The following LTBP3 variants were observed in gnomAD, a reference collection of about 807,000 sequenced individuals.
The protein encoded by LTBP3 is latent transforming growth factor beta binding protein 3, also known as latent-transforming growth factor beta-binding protein 3.
LTBP3 carries 97 observed loss-of-function variants against 159.7 expected under a neutral mutation model. The observed-to-expected ratio is 0.61, with a 90% CI of 0.52 to 0.72. The LOEUF (loss-of-function observed/expected upper bound fraction) is 0.72, where lower values mean the gene tolerates loss of function less well. Among genes scored for constraint, LTBP3 ranks in the 30% least tolerant of loss-of-function variants. The probability of loss-of-function intolerance (pLI) is 0.00; values close to 1 mark genes in which losing one functional copy is unlikely to be tolerated. For missense variants in LTBP3, 1,584 were observed against 1,864.3 expected (o/e 0.85, Z 2.77); for synonymous variants, 824 against 777.1 (o/e 1.06, Z -1.00).
intron 19 of LTBP3, 60 bp downstream of exon 19, chr11:65,541,540 A>G (rs1856137821): frequency 6.2e-7 from 1 of 1,612,484 alleles, no homozygotes; most frequent in Admixed American, 1.7e-5. Flanking sequence ...ACATCTCTGA[A>G]TCCCAGCTGC....
chr11:65,551,631 C>T, intron 8 of LTBP3, 67 bp from the exon 9 acceptor site: 2 of 1,598,028 alleles, frequency 1.3e-6, no homozygotes, highest in East Asian at 2.2e-5. Context: ...CTGGGATCAG[C>T]AGCTGAGTAT....
chr11:65,557,614 G>GC lies in LTBP3; in HGVS notation c.331+14dup. 1 of 1,607,246 alleles carries GC rather than the reference G, an allele frequency of 6.2e-7. No homozygotes were observed. The highest frequency in any genetic ancestry group is 8.5e-7 in the Non-Finnish European group (1 of 1,179,602). The stretch of plus-strand genomic sequence containing the variant: ...CTGTCCTTCCCCTGCCCCCAGCCGT[G>GC]CCCCCGGCCCTCACCCACGCGGAAG... On this transcript the variant is annotated intron_variant, in intron 1 of 27. Coordinates refer to ENST00000301873, the MANE Select transcript of LTBP3 (RefSeq NM_001130144.3).
intron 11 of LTBP3, 61 bp from the exon 12 acceptor site, chr11:65,548,106 A>G (rs1009015987): frequency 6.2e-7 from 1 of 1,611,284 alleles, no homozygotes; most frequent in African/African-American, 1.3e-5. Context: ...CCATATCCCC[A>G]GGGCAGACCT....
Position 65,553,362 on chromosome 11 carries a change from A to C in LTBP3, c.970+63T>G. ...TGACCTGGGGACTCCCACTGCAGGG[A>C]TGGGTGGGGTGGGTGGGGAGGGGCC... On this transcript the variant is annotated intron_variant, in intron 4 of 27. Coordinates refer to ENST00000301873, the MANE Select transcript of LTBP3 (RefSeq NM_001130144.3). The surrounding 1 kb of genome is among the most constrained non-coding windows in gnomAD (Gnocchi z 6.5). 2.3e-6 allele frequency: 1 copy of C among 429,582 alleles called. No individual in the cohort carries two copies. Among genetic ancestry groups the C allele is most frequent in the Non-Finnish European group, 3.7e-6 (1 of 269,904 alleles). The allele number at this position is 429,582 out of a possible 1,614,324, so 26.6% of individuals were successfully genotyped here. A position where few individuals can be genotyped will look rare whatever the true frequency, so the allele number is the denominator to read the frequency against.
chr11:65,554,177 C>G lies in LTBP3; in HGVS notation c.535G>C (p.Val179Leu), dbSNP rs1158791095. The G allele has an allele frequency of 1.2e-6, 2 of 1,611,812 alleles. No homozygotes were observed. The highest frequency in any genetic ancestry group is 2.2e-5 in the East Asian group (1 of 44,846). ...LPPLAPEGDS[V>L]ASKHAIYAVQ... ...GCGTAGATGGCGTGCTTGCTGGCCA[C>G]AGAGTCGCCCTCCGGAGCCAGGGGC... Residue 179 changes from valine (V) to leucine (L), a missense_variant, in exon 2 of 28, where the codon GTG becomes CTG. Physicochemically the swap from Val to Leu is conservative, Grantham distance 32 (BLOSUM62 1). Around this residue, in one of 6 missense-constraint regions of LTBP3, gnomAD observed 194 missense variants for 198.7 expected, o/e 0.98. Coordinates refer to ENST00000301873, the MANE Select transcript of LTBP3 (RefSeq NM_001130144.3). This position sits in a 1 kb window ranked among gnomAD's most constrained non-coding sequence, Gnocchi z 5.3.
At chr11:65,541,999 C>T (rs1856155708) in intron 18 of LTBP3, 2 of 437,802 alleles carry the variant, frequency 4.6e-6, no homozygotes, top group African/African-American at 2.0e-5. Context: ...ATTGAGCTTC[C>T]GATACCTTTA....
intron 16 of LTBP3, chr11:65,545,875 A>G (rs775006548): frequency 3.2e-5 from 6 of 186,752 alleles, no homozygotes; most frequent in Non-Finnish European, 5.7e-5. Flanking sequence ...TAGCCTGATC[A>G]TTCCTTACAG....
chr11:65,557,940 G>C lies in LTBP3; in HGVS notation c.20C>G (p.Ala7Gly). 1 of 1,187,984 alleles carries C rather than the reference G, an allele frequency of 8.4e-7. No individual in the cohort carries two copies. The highest frequency in any genetic ancestry group is 1.0e-6 in the Non-Finnish European group (1 of 958,382). The allele number at this position is 1,187,984 out of a possible 1,614,324, so 73.6% of individuals were successfully genotyped here. A position where few individuals can be genotyped will look rare whatever the true frequency, so the allele number is the denominator to read the frequency against. The change falls in exon 1 of 28, where the codon GCT becomes GGT. Residue 7 changes from alanine to glycine, a missense_variant. Coordinates refer to ENST00000301873, the MANE Select transcript of LTBP3 (RefSeq NM_001130144.3). ...CATCTCAGGGGCCAGGCCGCCAGCAGCCCCTCGGGGCCCGGGCATCCGGGG... is the reference window on the plus strand; with the variant it reads ...CATCTCAGGGGCCAGGCCGCCAGCACCCCCTCGGGGCCCGGGCATCCGGGG... MPGPRG[A>G]AGGLAPEMRG...
In LTBP3 at chr11:65,539,935, T is replaced by TCCGCC. The variant is rs1197176956; in HGVS notation, c.3386-59_3386-55dup. 2.6e-5 allele frequency: 38 copies of TCCGCC among 1,472,380 alleles called. No individual in the cohort carries two copies. The East Asian group carries it at 8.9e-4, about 34-fold the overall frequency. The allele number at this position is 1,472,380 out of a possible 1,614,324, so 91.2% of individuals were successfully genotyped here. On this transcript the variant is annotated intron_variant, in intron 24 of 27. Transcript: ENST00000301873. ...GGGCCCAAGGCAGGAACCGCCCGCCTCCGCCCCACCCCACCTGCGCGGGGG... is the reference window on the plus strand; with the variant it reads ...GGGCCCAAGGCAGGAACCGCCCGCCTCCGCCCCGCCCCACCCCACCTGCGCGGGGG...
chr11:65,553,119 G>C lies in LTBP3; in HGVS notation c.1063+45C>G, dbSNP rs769444847. On this transcript the variant is annotated intron_variant, in intron 5 of 27. Coordinates refer to ENST00000301873, the MANE Select transcript of LTBP3 (RefSeq NM_001130144.3). The surrounding 1 kb of genome is among the most constrained non-coding windows in gnomAD (Gnocchi z 6.5). ...GGGACCCTCCCCACCCCCAGTGATG[G>C]CTGGCCTGCCCCTCCAGCCCACAGA... The C allele has an allele frequency of 6.2e-7, 1 of 1,606,204 alleles. No homozygotes were observed. Among genetic ancestry groups the C allele is most frequent in the Middle Eastern group, 1.7e-4 (1 of 5,922 alleles).
intron 16 of LTBP3, 146 bp from the exon 17 acceptor site, chr11:65,543,695 C>A: frequency 1.9e-6 from 2 of 1,064,062 alleles, no homozygotes; most frequent in Admixed American, 1.8e-5. Flanking sequence ...TTCTGGGTGG[C>A]ACACAGTGCC....
At chr11:65,551,810 A>G (rs984097076) in intron 8 of LTBP3, 162 bp downstream of exon 8, 1 of 984,150 alleles carries the variant, frequency 1.0e-6, no homozygotes, top group Non-Finnish European at 1.6e-6. Context: ...TCAGGGTCAA[A>G]TATCTGGGTC....
In LTBP3 at chr11:65,558,074, G is replaced by C. The variant is rs1049847928; in HGVS notation, c.-115C>G. The C allele has an allele frequency of 1.4e-5, 15 of 1,070,726 alleles. No homozygotes were observed. The African/African-American group carries it at 2.3e-4, about 17-fold the overall frequency. 66.3% of individuals were successfully genotyped at this position (1,070,726 alleles called of 1,614,324 possible). ...GAGAGGGTAGGGGGCAGCGAGGGAGGGCAGCGGGGGAAGCGGGCGGGAGGG... is the reference window on the plus strand; with the variant it reads ...GAGAGGGTAGGGGGCAGCGAGGGAGCGCAGCGGGGGAAGCGGGCGGGAGGG... On this transcript the variant is annotated 5_prime_UTR_variant, in exon 1 of 28. Coordinates refer to ENST00000301873, the MANE Select transcript of LTBP3 (RefSeq NM_001130144.3).
Position 65,554,300 on chromosome 11 carries a change from G to A in LTBP3, c.412C>T (p.Arg138Cys), listed in dbSNP as rs1347310206. 6 of 1,611,496 alleles carry A rather than the reference G, an allele frequency of 3.7e-6. No individual in the cohort carries two copies. Among genetic ancestry groups the A allele is most frequent in the African/African-American group, 1.3e-5 (1 of 74,830 alleles). Residue 138 changes from arginine (R) to cysteine (C), a missense_variant, in exon 2 of 28, where the codon CGC (arginine) becomes TGC (cysteine). Physicochemically the swap from Arg to Cys is radical, Grantham distance 180 (BLOSUM62 -3). This residue lies in a region of LTBP3 where 76 missense variants were observed against 133.3 expected (regional missense o/e 0.57). Coordinates refer to ENST00000301873, the MANE Select transcript of LTBP3 (RefSeq NM_001130144.3). This position sits in a 1 kb window ranked among gnomAD's most constrained non-coding sequence, Gnocchi z 5.3. The part of the protein sequence containing the change: ...QCLCPPDFTG[R>C]FCQVPAGGAG... ...CCTCCTGCGGGCACCTGGCAGAAGCGCCCAGTGAAGTCCGGGGGACACAGG... is the reference window on the plus strand; with the variant it reads ...CCTCCTGCGGGCACCTGGCAGAAGCACCCAGTGAAGTCCGGGGGACACAGG...
Position 65,553,357 on chromosome 11 carries a change from C to T in LTBP3, c.970+68G>A. 1 of 603,020 alleles carries T rather than the reference C, an allele frequency of 1.7e-6. No individual in the cohort carries two copies. Among genetic ancestry groups the T allele is most frequent in the Non-Finnish European group, 2.5e-6 (1 of 393,898 alleles). 37.4% of individuals were successfully genotyped at this position (603,020 alleles called of 1,614,324 possible). A position where few individuals can be genotyped will look rare whatever the true frequency, so the allele number is the denominator to read the frequency against. ...TCTGGTGACCTGGGGACTCCCACTG[C>T]AGGGATGGGTGGGGTGGGTGGGGAG... On this transcript the variant is annotated intron_variant, in intron 4 of 27. Transcript: ENST00000301873. This position sits in a 1 kb window ranked among gnomAD's most constrained non-coding sequence, Gnocchi z 6.5.
chr11:65,541,000 C>A (rs141170789), intron 20 of LTBP3, 46 bp from the exon 21 acceptor site: 16 of 1,594,984 alleles, frequency 1.0e-5, no homozygotes, highest in Non-Finnish European at 8.6e-7. Context: ...CAGGACTGAG[C>A]GCGCGCGTGG....
intron 11 of LTBP3, chr11:65,548,447 G>A: frequency 2.4e-6 from 1 of 411,506 alleles, no homozygotes; most frequent in Non-Finnish European, 4.5e-6. Context: ...GGTCACACCA[G>A]TGTCCTCTAG....
chr11:65,539,544 T>G lies in LTBP3; in HGVS notation c.3628+4A>C. The G allele has an allele frequency of 6.2e-7, 1 of 1,611,960 alleles. No homozygotes were observed. Among genetic ancestry groups the G allele is most frequent in the Non-Finnish European group, 8.5e-7 (1 of 1,179,016 alleles). On this transcript the variant is annotated splice_donor_region_variant and intron_variant, in intron 26 of 27. Coordinates refer to ENST00000301873, the MANE Select transcript of LTBP3 (RefSeq NM_001130144.3). ...CCGCCACCGCCCGACCCGGCAGCAC[T>G]CACCTCTTGGGGGCTTCCCCAACAG...
Position 65,543,527 on chromosome 11 carries a change from C to G in LTBP3, c.2376G>C (p.Gly792=). 6.2e-7 allele frequency: 1 copy of G among 1,614,064 alleles called. No individual in the cohort carries two copies. The highest frequency in any genetic ancestry group is 8.5e-7 in the Non-Finnish European group (1 of 1,179,978). The change falls in exon 17 of 28, where the codon GGG becomes GGC. Residue 792 remains glycine, a synonymous_variant. Transcript: ENST00000301873. Reference sequence around the variant, plus strand: ...TGCAGATGCCATTGTCACACACGTCCCCAGCCTCACACTCGTCCACATCTG... The same window carrying G: ...TGCAGATGCCATTGTCACACACGTCGCCAGCCTCACACTCGTCCACATCTG... ...SCLDVDECEA[G]DVCDNGICSN... is the part of the protein sequence containing the mutation.
Sources: gnomAD v4.1 joint callset for allele counts on GRCh38, gnomAD v4.1.1 for gene constraint, gnomAD v4.1.1 regional missense constraint, Gnocchi (gnomAD v3.1) non-coding constraint, MANE v1.5 for transcripts, NCBI Gene and HGNC (gene_info 2026-07-23, HGNC 2026-07-21) for gene names.